DERA: variants seen among roughly 807,000 people sequenced by gnomAD.
The protein encoded by DERA is deoxyribose-phosphate aldolase.
Under a neutral mutation model 41.1 loss-of-function variants are expected in DERA, and 15 were observed. The observed-to-expected ratio is 0.37, with a 90% confidence interval of 0.24 to 0.56. The LOEUF (loss-of-function observed/expected upper bound fraction) is 0.56. DERA is among the 20% of genes least tolerant of loss of function. The probability of loss-of-function intolerance (pLI) is 0.81; values close to 1 mark genes in which losing one functional copy is unlikely to be tolerated. For missense variants in DERA, 396 were observed against 403.4 expected (o/e 0.98, Z 0.16); for synonymous variants, 139 against 137.4 (o/e 1.01, Z -0.08).
At chr12:15,945,330 A>G (rs1457493424) in intron 1 of DERA, among the ~76,000 whole-genome samples, 2 of 152,234 alleles carry the variant, frequency 1.3e-5, no homozygotes, top group Non-Finnish European at 2.9e-5. Context: ...CAGTATGGCC[A>G]TTTTCACGAT....
intron 1 of DERA, among the ~76,000 whole-genome samples, chr12:15,933,878 C>A (rs559242828): frequency 3.9e-5 from 6 of 152,240 alleles, no homozygotes; most frequent in Admixed American, 3.9e-4. Flanking sequence ...TTGTTCTATA[C>A]TGTTATGCCC....
rs149742891 is a variant in DERA, at chr12:15,979,526, T to C, written c.509-2782T>C. ...AAAAAGACCAGATTTGGTATAACTT[T>C]TGATTTAATTGTTCTGATATATTTT... On this transcript the variant is annotated intron_variant, in intron 5 of 8. Coordinates refer to ENST00000428559, the MANE Select transcript of DERA (RefSeq NM_015954.4). Among the ~76,000 whole-genome samples the C allele has an allele frequency of 2.0e-5, 3 of 152,364 alleles. No individual in the cohort carries two copies. The East Asian group carries it at 5.8e-4, about 29-fold the overall frequency.
chr12:15,914,009 C>T (rs980826872), intron 1 of DERA, among the ~76,000 whole-genome samples: 1 of 152,122 alleles, frequency 6.6e-6, no homozygotes, highest in African/African-American at 2.4e-5. Context: ...GCAGGTGTCA[C>T]GTGGGTAGTG....
At chr12:16,028,539 A>C (rs1949068925) in intron 6 of DERA, among the ~76,000 whole-genome samples, 1 of 152,246 alleles carries the variant, frequency 6.6e-6, no homozygotes, top group African/African-American at 2.4e-5. Context: ...TGGGATACCC[A>C]TAATGACTTC....
At chr12:15,971,488 G>A (rs1256797241) in intron 5 of DERA, among the ~76,000 whole-genome samples, 4 of 149,434 alleles carry the variant, frequency 2.7e-5, no homozygotes, top group Non-Finnish European at 5.9e-5. Context: ...CACTGAAGAG[G>A]CCATCTTTAT....
chr12:16,015,081 C>G (rs1948972124), intron 6 of DERA, among the ~76,000 whole-genome samples: 1 of 152,134 alleles, frequency 6.6e-6, no homozygotes, highest in Non-Finnish European at 1.5e-5. Context: ...GTTTTACTGG[C>G]TTATAGGTGG....
At chr12:15,964,879 T>G (rs946984438) in intron 5 of DERA, among the ~76,000 whole-genome samples, 1 of 152,248 alleles carries the variant, frequency 6.6e-6, no homozygotes, top group Admixed American at 6.5e-5. Context: ...ATGGTTGTTT[T>G]TAAGAACTGA....
intron 1 of DERA, among the ~76,000 whole-genome samples, chr12:15,926,474 C>T (rs1253408067): frequency 1.3e-5 from 2 of 152,116 alleles, no homozygotes; most frequent in African/African-American, 4.8e-5. Flanking sequence ...CGGTGGCTCA[C>T]GCCTGTAATC....
rs1948694826 is a variant in DERA at position 15,976,060 on chromosome 12, A to AT, written c.509-6245dup. On this transcript the variant is annotated intron_variant, in intron 5 of 8. Transcript: ENST00000428559. The surrounding 1 kb of genome is among the most constrained non-coding windows in gnomAD (Gnocchi z 4.1). ...CACATAGAAACACACATTCATTTTT[A>AT]TTTATTTATATATCAGTCTATAAAT... 6.6e-6 allele frequency among the ~76,000 whole-genome samples: 1 copy of AT among 152,078 alleles called. No individual in the cohort carries two copies. The highest frequency in any genetic ancestry group is 2.1e-4 in the South Asian group (1 of 4,810).
At chr12:15,978,292 A>AT (rs1464465385) in intron 5 of DERA, among the ~76,000 whole-genome samples, 1 of 151,950 alleles carries the variant, frequency 6.6e-6, no homozygotes, top group African/African-American at 2.4e-5. Context: ...GAAGTGGTCT[A>AT]TTTTTTCTTA....
Position 16,016,477 on chromosome 12 carries a change from G to A in DERA, c.638-16065G>A, listed in dbSNP as rs1411308735. On this transcript the variant is annotated intron_variant, in intron 6 of 8. Transcript: ENST00000428559. Reference sequence around the variant, plus strand: ...ATAACCCTTTCTTTTTTCCAAATGCGTTAAAACCCAAAACCTTACAGTTGT... The same window carrying A: ...ATAACCCTTTCTTTTTTCCAAATGCATTAAAACCCAAAACCTTACAGTTGT... 4.6e-5 allele frequency among the ~76,000 whole-genome samples: 7 copies of A among 151,918 alleles called. No homozygotes were observed. The South Asian group carries it at 8.3e-4, about 18-fold the overall frequency.
intron 7 of DERA, among the ~76,000 whole-genome samples, chr12:16,033,776 AC>A (rs903189080): frequency 1.4e-4 from 21 of 151,982 alleles, no homozygotes; most frequent in African/African-American, 5.1e-4. Context: ...TGGAATAGTG[AC>A]CTTTTTTTTA....
chr12:15,951,969 T>A (rs958161202), intron 1 of DERA, among the ~76,000 whole-genome samples: 2 of 151,896 alleles, frequency 1.3e-5, no homozygotes, highest in African/African-American at 4.8e-5. Flanking sequence ...TGGCGCAATC[T>A]CAGCTCACTG....
intron 6 of DERA, among the ~76,000 whole-genome samples, chr12:16,018,442 A>G (rs1448306709): frequency 6.6e-6 from 1 of 152,220 alleles, no homozygotes; most frequent in Non-Finnish European, 1.5e-5. Context: ...TCTTTAATGA[A>G]CTGGAAAATG....
At position 16,014,750 on chromosome 12, in the gene DERA, T is replaced by C. The variant is rs1354477740; in HGVS notation, c.638-17792T>C. ...CAGAATGGTAGATCCACCAACAGCT[T>C]GCACCGTGGGCTTGGAAAAGCCACA... is the stretch of plus-strand genomic sequence containing the variant. On this transcript the variant is annotated intron_variant, in intron 6 of 8. Transcript: ENST00000428559. The surrounding 1 kb of genome is among the most constrained non-coding windows in gnomAD (Gnocchi z 5.4). Among the ~76,000 whole-genome samples the C allele has an allele frequency of 2.6e-5, 4 of 152,122 alleles. No homozygotes were observed. Among genetic ancestry groups the C allele is most frequent in the Non-Finnish European group, 5.9e-5 (4 of 68,012 alleles).
At position 15,962,906 on chromosome 12, in the gene DERA, T is replaced by C. The variant is rs61745014; in HGVS notation, c.467T>C (p.Val156Ala). Residue 156 changes from valine to alanine, a missense_variant, in exon 5 of 9, where the codon GTG (valine) becomes GCG (alanine). Coordinates refer to ENST00000428559, the MANE Select transcript of DERA (RefSeq NM_015954.4). ...AVEDGATEID[V>A]VINRSLVLTG... ...GAAGATGGAGCTACAGAAATCGACG[T>C]GGTAATTAACAGAAGCTTGGTGCTG... 1.6e-5 allele frequency: 25 copies of C among 1,601,900 alleles called. No individual in the cohort carries two copies. The highest frequency in any genetic ancestry group is 9.4e-6 in the Non-Finnish European group (11 of 1,173,992).
Position 15,949,039 on chromosome 12 carries a change from TG to T in DERA, c.32-7896del, listed in dbSNP as rs1236203198. Among the ~76,000 whole-genome samples the T allele has an allele frequency of 2.0e-5, 3 of 152,208 alleles. No homozygotes were observed. In the East Asian group the frequency reaches 5.8e-4, roughly 29 times the overall value. On this transcript the variant is annotated intron_variant, in intron 1 of 8. Coordinates refer to ENST00000428559, the MANE Select transcript of DERA (RefSeq NM_015954.4). ...AATATTGCTGAACAGCAAATGTTGCTGTCTGATCGTTCCTCTGGGAGCTTCG... is the reference window on the plus strand; with the variant it reads ...AATATTGCTGAACAGCAAATGTTGCTTCTGATCGTTCCTCTGGGAGCTTCG...
At chr12:15,977,738 G>A (rs967253938) in intron 5 of DERA, among the ~76,000 whole-genome samples, 4 of 152,200 alleles carry the variant, frequency 2.6e-5, no homozygotes, top group South Asian at 2.1e-4. Context: ...GATTATAGGC[G>A]TGAGCCACTG....
In DERA at chr12:15,938,599, T is replaced by G. The variant is rs1044426846; in HGVS notation, c.32-18337T>G. ...TTACCCATGAAATGTGTTTTTAAAA[T>G]TGAGAAAATATTTTCTCTATAAGTG... On this transcript the variant is annotated intron_variant, in intron 1 of 8. Transcript: ENST00000428559. The surrounding 1 kb of genome is among the most constrained non-coding windows in gnomAD (Gnocchi z 4.1). 6.6e-6 allele frequency among the ~76,000 whole-genome samples: 1 copy of G among 152,186 alleles called. No individual in the cohort carries two copies. The highest frequency in any genetic ancestry group is 1.5e-5 in the Non-Finnish European group (1 of 68,020).
Sources: gnomAD v4.1 joint callset for allele counts (sites outside exome capture counted in the v4.1 genomes callset) on GRCh38, gnomAD v4.1.1 for gene constraint, Gnocchi (gnomAD v3.1) non-coding constraint, MANE v1.5 for transcripts, NCBI Gene and HGNC (gene_info 2026-07-23, HGNC 2026-07-21) for gene names.